The following KIF13B variants were observed in gnomAD, a reference collection of about 807,000 sequenced individuals.
KIF13B encodes the protein kinesin family member 13B.
A neutral mutation model predicts 222.0 loss-of-function variants in KIF13B; 127 were observed. The ratio of observed to expected loss-of-function variants is 0.57; its 90% confidence interval spans 0.50 to 0.66. The LOEUF (loss-of-function observed/expected upper bound fraction) is 0.66. Ranked by LOEUF, KIF13B falls within the 30% of genes least tolerant of loss-of-function variation. KIF13B has a pLI of 0.00. For missense variants in KIF13B, 2,173 were observed against 2,379.0 expected (o/e 0.91, Z 1.80); for synonymous variants, 976 against 919.0 (o/e 1.06, Z -1.12).
At chr8:29,136,802 T>G (rs1251311958) in intron 21 of KIF13B, among the ~76,000 whole-genome samples, 2 of 144,444 alleles carry the variant, frequency 1.4e-5, no homozygotes, top group Non-Finnish European at 3.0e-5. Flanking sequence ...CAGGTTTTTT[T>G]TTTTTTTTTT....
At chr8:29,074,625 C>T (rs1284813498) in intron 38 of KIF13B, among the ~76,000 whole-genome samples, 1 of 152,236 alleles carries the variant, frequency 6.6e-6, no homozygotes, top group Non-Finnish European at 1.5e-5. Flanking sequence ...GGCACCATTC[C>T]CAGGGGAGGG....
intron 26 of KIF13B, 32 bp from the exon 27 acceptor site, chr8:29,124,155 G>A: frequency 7.9e-7 from 1 of 1,268,614 alleles, no homozygotes; most frequent in Non-Finnish European, 1.1e-6. Context: ...CATATTCAAT[G>A]TAATGTCAAG....
chr8:29,140,317 C>A lies in KIF13B; in HGVS notation c.2485-126G>T, dbSNP rs1810757182. Reference sequence around the variant, plus strand: ...GTGTATGGGAATTTAGAGGCCTAGTCTCTGACAGTTACTCTACCCTAAGAG... The same window carrying A: ...GTGTATGGGAATTTAGAGGCCTAGTATCTGACAGTTACTCTACCCTAAGAG... On this transcript the variant is annotated intron_variant, in intron 20 of 39. Transcript: ENST00000524189. 3.5e-6 allele frequency: 5 copies of A among 1,420,966 alleles called. No individual in the cohort carries two copies. In the South Asian group the frequency reaches 6.9e-5, roughly 20 times the overall value. 88.0% of individuals were successfully genotyped at this position (1,420,966 alleles called of 1,614,324 possible). A position where few individuals can be genotyped will look rare whatever the true frequency, so the allele number is the denominator to read the frequency against.
Position 29,070,330 on chromosome 8 carries a change from A to G in KIF13B, c.*174T>C. 1 of 678,992 alleles carries G rather than the reference A, an allele frequency of 1.5e-6. No individual in the cohort carries two copies. Among genetic ancestry groups the G allele is most frequent in the South Asian group, 1.9e-5 (1 of 52,422 alleles). 42.1% of individuals were successfully genotyped at this position (678,992 alleles called of 1,614,324 possible). On this transcript the variant is annotated 3_prime_UTR_variant, in exon 40 of 40. Coordinates refer to ENST00000524189, the MANE Select transcript of KIF13B (RefSeq NM_015254.4). The surrounding 1 kb of genome is among the most constrained non-coding windows in gnomAD (Gnocchi z 4.1). ...GGCCCCCACTTTACCCGGGTACAGAAGAAACAAAGCTTCCAGAGGCCCAGG... is the reference window on the plus strand; with the variant it reads ...GGCCCCCACTTTACCCGGGTACAGAGGAAACAAAGCTTCCAGAGGCCCAGG...
intron 5 of KIF13B, among the ~76,000 whole-genome samples, chr8:29,187,208 A>G (rs753000248): frequency 6.6e-6 from 1 of 152,146 alleles, no homozygotes; most frequent in Non-Finnish European, 1.5e-5. Flanking sequence ...TGTGGAAACT[A>G]AAGAATAATC....
intron 18 of KIF13B, chr8:29,145,944 T>C: frequency 4.3e-6 from 1 of 233,848 alleles, no homozygotes; most frequent in African/African-American, 2.3e-5. Context: ...CATGACACCA[T>C]GACACAACTA....
At chr8:29,169,654 G>A (rs1812151829) in intron 10 of KIF13B, among the ~76,000 whole-genome samples, 1 of 152,238 alleles carries the variant, frequency 6.6e-6, no homozygotes. Flanking sequence ...AACTAATTTG[G>A]ACTTTAGGAG....
chr8:29,116,877 T>C lies in KIF13B; in HGVS notation c.3791A>G (p.Gln1264Arg). Residue 1264 changes from glutamine (Q) to arginine (R), a missense_variant, in exon 31 of 40, where the codon CAA becomes CGA. By Grantham distance (43) the Gln-to-Arg change is conservative (BLOSUM62 1). Coordinates refer to ENST00000524189, the MANE Select transcript of KIF13B (RefSeq NM_015254.4). ...TVQLSHPADM[Q>R]LVLRKRICVN... ...ACAGATTCTCTTGCGTAACACCAGT[T>C]GCATGTCAGCAGGGTGGCTGAGCTG... The C allele has an allele frequency of 6.2e-7, 1 of 1,613,354 alleles. No homozygotes were observed. The highest frequency in any genetic ancestry group is 1.1e-5 in the South Asian group (1 of 91,022).
chr8:29,123,965 G>C (rs1316288361), intron 27 of KIF13B, 59 bp downstream of exon 27: 1 of 1,040,000 alleles, frequency 9.6e-7, no homozygotes, highest in Non-Finnish European at 1.5e-6. Flanking sequence ...TACAAAGGGA[G>C]AATAATTAAT....
At chr8:29,153,199 G>A (rs986496529) in intron 14 of KIF13B, among the ~76,000 whole-genome samples, 4 of 151,984 alleles carry the variant, frequency 2.6e-5, no homozygotes, top group African/African-American at 9.7e-5. Flanking sequence ...GTATATTAAG[G>A]AGTAAAGAGG....
At chr8:29,081,159 T>A (rs905213863) in intron 37 of KIF13B, among the ~76,000 whole-genome samples, 1 of 152,206 alleles carries the variant, frequency 6.6e-6, no homozygotes, top group South Asian at 2.1e-4. Flanking sequence ...TGGTTACTCT[T>A]AATCACTGTC....
intron 35 of KIF13B, 27 bp downstream of exon 35, chr8:29,108,112 A>G: frequency 6.3e-7 from 1 of 1,586,230 alleles, no homozygotes; most frequent in Middle Eastern, 1.7e-4. Flanking sequence ...GACTTAAAAC[A>G]CTGATAGAAA....
At chr8:29,198,640 C>T (rs966246744) in intron 2 of KIF13B, among the ~76,000 whole-genome samples, 1 of 152,076 alleles carries the variant, frequency 6.6e-6, no homozygotes, top group Non-Finnish European at 1.5e-5. Context: ...TCTTAAGGAA[C>T]TTTAAAAGTA....
intron 36 of KIF13B, among the ~76,000 whole-genome samples, chr8:29,098,032 A>C (rs989307345): frequency 5.9e-5 from 9 of 151,830 alleles, no homozygotes; most frequent in African/African-American, 2.2e-4. Flanking sequence ...TTAGCTTGGC[A>C]TGGTGGCACG....
chr8:29,167,253 TAA>T, intron 11 of KIF13B, 118 bp downstream of exon 11: 1 of 699,608 alleles, frequency 1.4e-6, no homozygotes. Context: ...TCTCTTGCTG[TAA>T]GAAATTCGCA....
rs747533867 is a variant in KIF13B, at chr8:29,070,502, G to T, written c.*2C>A. On this transcript the variant is annotated 3_prime_UTR_variant, in exon 40 of 40. Coordinates refer to ENST00000524189, the MANE Select transcript of KIF13B (RefSeq NM_015254.4). This position sits in a 1 kb window ranked among gnomAD's most constrained non-coding sequence, Gnocchi z 4.1. Reference sequence around the variant, plus strand: ...CAGAAAAGTTCGCCCTAAGGCAGCGGCTCAGCTGGCCCAGGATTTCCGGTT... The same window carrying T: ...CAGAAAAGTTCGCCCTAAGGCAGCGTCTCAGCTGGCCCAGGATTTCCGGTT... 6.2e-7 allele frequency: 1 copy of T among 1,610,020 alleles called. No individual in the cohort carries two copies. Among genetic ancestry groups the T allele is most frequent in the South Asian group, 1.1e-5 (1 of 90,466 alleles).
chr8:29,188,777 T>C (rs1318481161), intron 4 of KIF13B, among the ~76,000 whole-genome samples, 170 bp from the exon 5 acceptor site: 2 of 152,238 alleles, frequency 1.3e-5, no homozygotes, highest in Non-Finnish European at 2.9e-5. Flanking sequence ...AGGTTATTTC[T>C]AGTTAGCACA....
chr8:29,158,793 T>C (rs1193626927), intron 13 of KIF13B, among the ~76,000 whole-genome samples: 10 of 152,116 alleles, frequency 6.6e-5, no homozygotes, highest in Admixed American at 6.6e-4. Flanking sequence ...GGCCACACAG[T>C]CTGAAACACA....
intron 2 of KIF13B, among the ~76,000 whole-genome samples, chr8:29,238,535 A>G (rs545683353): frequency 4.3e-4 from 66 of 152,358 alleles, no homozygotes; most frequent in Admixed American, 1.1e-3. Flanking sequence ...ACTAAAAAAG[A>G]TGATGTGATC....
Sources: gnomAD v4.1 joint callset for allele counts (sites outside exome capture counted in the v4.1 genomes callset) on GRCh38, gnomAD v4.1.1 for gene constraint, Gnocchi (gnomAD v3.1) non-coding constraint, MANE v1.5 for transcripts, NCBI Gene and HGNC (gene_info 2026-07-23, HGNC 2026-07-21) for gene names.